Variants in KALRN observed in about 807,000 individuals in gnomAD.
KALRN encodes the protein kalirin.
In KALRN, 70 loss-of-function variants were observed where a neutral mutation model predicts 353.7. That is an observed-to-expected ratio of 0.20 (90% CI 0.16 to 0.24). KALRN has a LOEUF of 0.24. Among genes scored for constraint, KALRN ranks in the 10% least tolerant of loss-of-function variants. The probability of loss-of-function intolerance (pLI) is 1.00; values close to 1 mark genes in which losing one functional copy is unlikely to be tolerated. For missense variants in KALRN, 2,791 were observed against 3,756.7 expected (o/e 0.74, Z 6.72); for synonymous variants, 1,391 against 1,434.8 (o/e 0.97, Z 0.69).
rs138996270 is a variant in KALRN at position 124,554,358 on chromosome 3, C to T, written c.4936-8485C>T. 1.4e-3 allele frequency among the ~76,000 whole-genome samples: 214 copies of T among 152,316 alleles called. 1 individual carries two copies. The highest frequency in any genetic ancestry group is 2.1e-3 in the East Asian group (11 of 5,184). ...CTACATGCTCAAAGGAAGCCAGCAG[C>T]ACAACTTGACCAAAAGGCCCTCAGA... On this transcript the variant is annotated intron_variant, in intron 33 of 59. Coordinates refer to ENST00000682506, the MANE Select transcript of KALRN (RefSeq NM_001388419.1).
At chr3:124,524,255 G>A (rs2067396741) in intron 33 of KALRN, among the ~76,000 whole-genome samples, 1 of 152,122 alleles carries the variant, frequency 6.6e-6, no homozygotes, top group South Asian at 2.1e-4. Context: ...ACATAAAATA[G>A]GCACCATTAG....
intron 1 of KALRN, among the ~76,000 whole-genome samples, chr3:124,142,682 A>G (rs1347028907): frequency 1.3e-5 from 2 of 151,970 alleles, no homozygotes; most frequent in Admixed American, 6.6e-5. Context: ...CTGTGTGTGT[A>G]GCCTCGATGC....
At chr3:124,550,755 C>T (rs1456544488) in intron 33 of KALRN, among the ~76,000 whole-genome samples, 3 of 152,142 alleles carry the variant, frequency 2.0e-5, no homozygotes, top group African/African-American at 2.4e-5. Context: ...TTTGGGAGGC[C>T]GAGGTGGGCA....
intron 33 of KALRN, among the ~76,000 whole-genome samples, chr3:124,514,925 A>C (rs1020596083): frequency 3.9e-5 from 6 of 152,222 alleles, no homozygotes; most frequent in Non-Finnish European, 8.8e-5. Flanking sequence ...AGAGCATGGC[A>C]TGAGTCAGGA....
intron 1 of KALRN, among the ~76,000 whole-genome samples, chr3:124,048,197 C>T (rs1376451371): frequency 6.6e-6 from 1 of 152,108 alleles, no homozygotes; most frequent in Non-Finnish European, 1.5e-5. Flanking sequence ...AGGATCCATT[C>T]ATTGTTTGGA....
At chr3:124,399,657 G>T (rs933504208) in intron 13 of KALRN, among the ~76,000 whole-genome samples, 2 of 152,182 alleles carry the variant, frequency 1.3e-5, no homozygotes, top group South Asian at 4.1e-4. Context: ...CACAGGAAGG[G>T]GAACCTGTAT....
intron 13 of KALRN, among the ~76,000 whole-genome samples, chr3:124,405,315 C>A (rs2091394560): frequency 6.6e-6 from 1 of 152,120 alleles, no homozygotes; most frequent in Non-Finnish European, 1.5e-5. Context: ...GGGTCTGGGG[C>A]TGTGGACCTG....
At chr3:124,274,271 G>A (rs77145608) in intron 5 of KALRN, among the ~76,000 whole-genome samples, 3,359 of 152,324 alleles carry the variant, frequency 0.022, 117 homozygotes, top group African/African-American at 0.07. Flanking sequence ...TTATGACCTC[G>A]TGATGTCAAT....
rs72974610 is a variant in KALRN at position 124,188,907 on chromosome 3, G to A, written c.74-39083G>A. Among the ~76,000 whole-genome samples, 959 of 152,298 alleles carry A rather than the reference G, an allele frequency of 6.3e-3. 6 individuals are homozygous for A. The highest frequency in any genetic ancestry group is 0.02 in the African/African-American group (844 of 41,558). ...AGAGGGGCCCAGGTAGATGCTGCGCGTGCTGTGGGTTTGCATTATAGTTGA... is the reference window on the plus strand; with the variant it reads ...AGAGGGGCCCAGGTAGATGCTGCGCATGCTGTGGGTTTGCATTATAGTTGA... On this transcript the variant is annotated intron_variant, in intron 1 of 59. Coordinates refer to ENST00000682506, the MANE Select transcript of KALRN (RefSeq NM_001388419.1).
At chr3:124,658,949 G>T (rs2084453229) in intron 42 of KALRN, among the ~76,000 whole-genome samples, 1 of 152,180 alleles carries the variant, frequency 6.6e-6, no homozygotes. Flanking sequence ...TGGGAGAAAG[G>T]CAGCATCATC....
At chr3:124,383,390 A>C (rs1320012441) in intron 10 of KALRN, among the ~76,000 whole-genome samples, 1 of 152,210 alleles carries the variant, frequency 6.6e-6, no homozygotes, top group Admixed American at 6.5e-5. Flanking sequence ...TAGACATTTG[A>C]GATCAAAGTG....
intron 19 of KALRN, among the ~76,000 whole-genome samples, chr3:124,444,035 A>G (rs1037760000): frequency 3.9e-5 from 6 of 152,162 alleles, no homozygotes; most frequent in African/African-American, 9.7e-5. Flanking sequence ...TGGCTTTTTT[A>G]TGCTGCTGGT....
chr3:124,255,338 A>T (rs184221185), intron 3 of KALRN, among the ~76,000 whole-genome samples: 6 of 152,304 alleles, frequency 3.9e-5, no homozygotes, highest in African/African-American at 9.6e-5. Flanking sequence ...CTTAAGACTT[A>T]TCATAACTTG....
chr3:124,468,560 C>G (rs1475095151), intron 25 of KALRN, among the ~76,000 whole-genome samples: 1 of 152,184 alleles, frequency 6.6e-6, no homozygotes, highest in African/African-American at 2.4e-5. Flanking sequence ...ACTCCAAATG[C>G]CTTTGGTGTT....
intron 10 of KALRN, among the ~76,000 whole-genome samples, chr3:124,366,876 C>G (rs2084814010): frequency 7.7e-6 from 1 of 129,280 alleles, no homozygotes; most frequent in African/African-American, 3.4e-5. Context: ...GCTGGCCGGG[C>G]GGGGGGCTGA....
chr3:124,338,491 G>A (rs1189974344), intron 9 of KALRN, among the ~76,000 whole-genome samples: 1 of 152,196 alleles, frequency 6.6e-6, no homozygotes, highest in South Asian at 2.1e-4. Context: ...TTGGACTGTT[G>A]TCTGAGAGAC....
chr3:124,717,222 T>C, intron 58 of KALRN, 25 bp from the exon 59 acceptor site: 1 of 1,571,396 alleles, frequency 6.4e-7, no homozygotes, highest in Non-Finnish European at 8.6e-7. Flanking sequence ...ACATATTTCC[T>C]TTGCCTTTCC....
chr3:124,586,391 C>T (rs2075187927), intron 34 of KALRN, among the ~76,000 whole-genome samples: 1 of 152,174 alleles, frequency 6.6e-6, no homozygotes, highest in South Asian at 2.1e-4. Context: ...TGGTGCTTAT[C>T]TGAAGTCCCC....
chr3:124,133,766 C>G (rs1267226304), intron 1 of KALRN, among the ~76,000 whole-genome samples: 1 of 152,116 alleles, frequency 6.6e-6, no homozygotes, highest in East Asian at 1.9e-4. Context: ...GAACCACAGG[C>G]AAAAAGAGTT....
Sources: allele counts gnomAD v4.1 joint callset (sites outside exome capture counted in the v4.1 genomes callset), GRCh38; gene constraint gnomAD v4.1.1; transcripts MANE v1.5; gene names NCBI Gene and HGNC (gene_info 2026-07-23, HGNC 2026-07-21).